Variants in PRMT8 observed in about 807,000 individuals in gnomAD.
The protein encoded by PRMT8 is protein arginine N-methyltransferase 8.
In PRMT8, 7 loss-of-function variants were observed where a neutral mutation model predicts 47.1. The ratio of observed to expected loss-of-function variants is 0.15; its 90% CI spans 0.08 to 0.28. The LOEUF (loss-of-function observed/expected upper bound fraction) is 0.28. PRMT8 is among the 10% of genes least tolerant of loss of function. The pLI, the probability that PRMT8 is intolerant of heterozygous loss-of-function variation, is 1.00. For synonymous variants in PRMT8, 188 were observed against 186.5 expected, an observed-to-expected ratio of 1.01 and a Z score of -0.07; for missense variants, 237 against 505.4, an observed-to-expected ratio of 0.47 and a Z score of 5.09.
chr12:3,549,245 A>C (rs1469243009), intron 2 of PRMT8, among the ~76,000 whole-genome samples: 2 of 152,198 alleles, frequency 1.3e-5, no homozygotes, highest in African/African-American at 4.8e-5. Context: ...AGAAGCTTAA[A>C]ACCTGGGCTT....
At chr12:3,559,086 A>G (rs546973300) in intron 4 of PRMT8, among the ~76,000 whole-genome samples, 8 of 152,200 alleles carry the variant, frequency 5.3e-5, no homozygotes, top group Middle Eastern at 3.4e-3. Context: ...GCGTTCATCC[A>G]TCTACTGATC....
intron 6 of PRMT8, among the ~76,000 whole-genome samples, chr12:3,571,837 A>G (rs1008418950): frequency 1.3e-5 from 2 of 152,218 alleles, no homozygotes; most frequent in Non-Finnish European, 2.9e-5. Flanking sequence ...ATAAATGGAG[A>G]CTTTGGTTAC....
chr12:3,513,071 A>C (rs1865736634), intron 1 of PRMT8, among the ~76,000 whole-genome samples: 1 of 152,228 alleles, frequency 6.6e-6, no homozygotes, highest in South Asian at 2.1e-4. Flanking sequence ...CGGGGATCAA[A>C]GGGTTTGAGT....
chr12:3,397,885 C>T (rs7961710), intron 1 of PRMT8, among the ~76,000 whole-genome samples: 29 of 152,142 alleles, frequency 1.9e-4, no homozygotes, highest in East Asian at 3.9e-4. Context: ...TAGGACCCTC[C>T]GAGCCAGGTG....
At chr12:3,505,211 C>G (rs1264393039) in intron 1 of PRMT8, among the ~76,000 whole-genome samples, 1 of 152,166 alleles carries the variant, frequency 6.6e-6, no homozygotes, top group Non-Finnish European at 1.5e-5. Flanking sequence ...CCTATTCGGC[C>G]ATCTTGGCTC....
intron 1 of PRMT8, among the ~76,000 whole-genome samples, chr12:3,472,507 G>A (rs1865171066): frequency 6.6e-6 from 1 of 152,224 alleles, no homozygotes; most frequent in Non-Finnish European, 1.5e-5. Context: ...TGCAAGCTGT[G>A]TGACATTGGG....
chr12:3,425,028 C>T (rs1356437166), intron 1 of PRMT8, among the ~76,000 whole-genome samples: 1 of 152,208 alleles, frequency 6.6e-6, no homozygotes, highest in Non-Finnish European at 1.5e-5. Flanking sequence ...TCCCAGTTTA[C>T]TGATGTTCAA....
chr12:3,504,977 G>C (rs9706115), intron 1 of PRMT8, among the ~76,000 whole-genome samples: 2,287 of 112,740 alleles, frequency 0.02, 83 homozygotes, highest in African/African-American at 0.073. Context: ...AGGTGCGTCC[G>C]TCACCCCTTT....
At chr12:3,421,858 G>A (rs1178544646) in intron 1 of PRMT8, among the ~76,000 whole-genome samples, 1 of 152,242 alleles carries the variant, frequency 6.6e-6, no homozygotes, top group Admixed American at 6.5e-5. Flanking sequence ...GATGGAGGCT[G>A]AGGCTGCTGA....
Position 3,491,394 on chromosome 12 carries a change from G to C in PRMT8, c.-232G>C. ...GGGGAGGGGGTCGGGGGCACGAGAA[G>C]AACTTGAAACCGTGTGAAGGAATCC... On this transcript the variant is annotated 5_prime_UTR_variant, in exon 1 of 10. Coordinates refer to ENST00000382622, the MANE Select transcript of PRMT8 (RefSeq NM_019854.5). The C allele has an allele frequency of 2.4e-6, 3 of 1,249,860 alleles. No individual in the cohort carries two copies. Among genetic ancestry groups the C allele is most frequent in the Non-Finnish European group, 3.0e-6 (3 of 995,892 alleles). 77.4% of individuals were successfully genotyped at this position (1,249,860 alleles called of 1,614,324 possible).
intron 1 of PRMT8, among the ~76,000 whole-genome samples, chr12:3,391,699 C>G (rs1463760468): frequency 6.6e-6 from 1 of 152,160 alleles, no homozygotes; most frequent in Non-Finnish European, 1.5e-5. Context: ...TCTGTCTCCC[C>G]CTCTAGTCTG....
intron 1 of PRMT8, among the ~76,000 whole-genome samples, chr12:3,469,930 G>T (rs1215373602): frequency 6.6e-6 from 1 of 152,148 alleles, no homozygotes; most frequent in Admixed American, 6.5e-5. Flanking sequence ...GCATCGCCAC[G>T]TGCTGGCCAA....
intron 1 of PRMT8, among the ~76,000 whole-genome samples, chr12:3,382,327 C>T (rs1277462594): frequency 6.6e-6 from 1 of 152,252 alleles, no homozygotes; most frequent in Admixed American, 6.5e-5. Context: ...CCAGAGTGGC[C>T]GTACCATTTT....
rs767836190 is a variant in PRMT8, at chr12:3,508,817, G to A, written c.75+17117G>A. 2.2e-4 allele frequency among the ~76,000 whole-genome samples: 34 copies of A among 152,196 alleles called. No individual in the cohort carries two copies. The highest frequency in any genetic ancestry group is 1.8e-3 in the Admixed American group (27 of 15,284). ...GATGTCTCATAGGCACCTCAGGTTC[G>A]CTGGGTTGCCTCCGGAGTCCTGCCC... is the stretch of plus-strand genomic sequence containing the variant. On this transcript the variant is annotated intron_variant, in intron 1 of 9. Coordinates refer to ENST00000382622, the MANE Select transcript of PRMT8 (RefSeq NM_019854.5). This position sits in a 1 kb window ranked among gnomAD's most constrained non-coding sequence, Gnocchi z 4.9.
At position 3,456,523 on chromosome 12, in the gene PRMT8, G is replaced by C. The variant is rs1405064090; in HGVS notation, c.48+75081G>C. 6.6e-6 allele frequency among the ~76,000 whole-genome samples: 1 copy of C among 152,134 alleles called. No homozygotes were observed. The highest frequency in any genetic ancestry group is 1.5e-5 in the Non-Finnish European group (1 of 68,034). ...CGAGCACACATTCGGCATCACGAGC[G>C]ATCTGTTGTGCAGCCCGATCATCCC... On this transcript the variant is annotated intron_variant, in intron 1 of 9. Transcript: ENST00000452611. The surrounding 1 kb of genome is among the most constrained non-coding windows in gnomAD (Gnocchi z 4.2).
chr12:3,491,526 T>A lies in PRMT8; in HGVS notation c.-100T>A. The A allele has an allele frequency of 1.1e-6, 1 of 912,270 alleles. No homozygotes were observed. The highest frequency in any genetic ancestry group is 2.8e-5 in the South Asian group (1 of 35,284). 56.5% of individuals were successfully genotyped at this position (912,270 alleles called of 1,614,324 possible). On this transcript the variant is annotated 5_prime_UTR_variant, in exon 1 of 10. Coordinates refer to ENST00000382622, the MANE Select transcript of PRMT8 (RefSeq NM_019854.5). ...GCTCCAGCTGAGGGGCTGGGTTGGA[T>A]TTTTTTTTTTCTCCCATCCTCTCGC...
chr12:3,593,882 T>A lies in PRMT8; in HGVS notation c.*700T>A. ...AGCTATGAAACATTCTCTGTACTAG[T>A]TCTGGTCTCCTTTTGACTGGACTGT... On this transcript the variant is annotated 3_prime_UTR_variant, in exon 10 of 10. Transcript: ENST00000382622. This position sits in a 1 kb window ranked among gnomAD's most constrained non-coding sequence, Gnocchi z 4.8. 1 of 153,024 alleles carries A rather than the reference T, an allele frequency of 6.5e-6. No homozygotes were observed. The highest frequency in any genetic ancestry group is 1.9e-4 in the East Asian group (1 of 5,192). The allele number at this position is 153,024 out of a possible 1,614,324, so 9.5% of individuals were successfully genotyped here. A position where few individuals can be genotyped will look rare whatever the true frequency, so the allele number is the denominator to read the frequency against.
chr12:3,455,825 C>T (rs964445674), intron 1 of PRMT8, among the ~76,000 whole-genome samples: 3 of 152,092 alleles, frequency 2.0e-5, no homozygotes, highest in African/African-American at 7.2e-5. Context: ...GAACTTGAAG[C>T]TCCAAGAGGT....
intron 7 of PRMT8, among the ~76,000 whole-genome samples, chr12:3,582,754 T>A (rs1867091609): frequency 6.6e-6 from 1 of 152,166 alleles, no homozygotes. Context: ...TTAACCCTCC[T>A]GTTCTCTCCC....
Sources: allele counts gnomAD v4.1 joint callset (sites outside exome capture counted in the v4.1 genomes callset), GRCh38; gene constraint gnomAD v4.1.1; non-coding constraint Gnocchi (gnomAD v3.1); transcripts MANE v1.5; gene names NCBI Gene and HGNC (gene_info 2026-07-23, HGNC 2026-07-21).